Variants in PDZRN4 observed in about 807,000 individuals in gnomAD.
PDZRN4 encodes the protein PDZ domain-containing RING finger protein 4.
PDZRN4 carries 70 observed loss-of-function variants against 99.0 expected under a neutral mutation model. The observed-to-expected ratio is 0.71, with a 90% CI of 0.58 to 0.86. The LOEUF (loss-of-function observed/expected upper bound fraction) is 0.86, where lower values mean the gene tolerates loss of function less well. PDZRN4 is among the 40% of genes least tolerant of loss of function. The pLI is 0.00. For missense variants in PDZRN4, 1,474 were observed against 1,331.2 expected, an observed-to-expected ratio of 1.11 and a Z score of -1.67; for synonymous variants, 551 against 501.6, an observed-to-expected ratio of 1.10 and a Z score of -1.32.
At chr12:41,351,751 G>A (rs1951891853) in intron 3 of PDZRN4, among the ~76,000 whole-genome samples, 1 of 152,014 alleles carries the variant, frequency 6.6e-6, no homozygotes, top group South Asian at 2.1e-4. Flanking sequence ...TGGGGACACA[G>A]AGCCAAACCA....
At chr12:41,207,394 AT>A (rs1430896145) in intron 3 of PDZRN4, among the ~76,000 whole-genome samples, 2 of 151,832 alleles carry the variant, frequency 1.3e-5, no homozygotes, top group African/African-American at 4.8e-5. Context: ...CAATTGAAAA[AT>A]AATTTTCATG....
rs986602727 is a variant in PDZRN4, at chr12:41,300,216, A to T, written c.843+106028A>T. Among the ~76,000 whole-genome samples the T allele has an allele frequency of 3.3e-5, 5 of 152,004 alleles. No homozygotes were observed. The South Asian group carries it at 1.0e-3, about 32-fold the overall frequency. ...TCTTTTAGCTACTCTTTTAATATAC[A>T]TTTACTTTTGTCTTCCAAAAATCTT... On this transcript the variant is annotated intron_variant, in intron 3 of 9. Transcript: ENST00000402685.
chr12:41,293,184 T>C (rs1592000445), intron 3 of PDZRN4, among the ~76,000 whole-genome samples: 1 of 137,976 alleles, frequency 7.2e-6, no homozygotes, highest in Non-Finnish European at 1.6e-5. Context: ...AAGTTAGTCA[T>C]TGAAGCCCCA....
chr12:41,516,739 G>A (rs766663209), intron 5 of PDZRN4, among the ~76,000 whole-genome samples: 49 of 151,668 alleles, frequency 3.2e-4, no homozygotes, highest in Non-Finnish European at 1.6e-4. Flanking sequence ...GCCCTAAACA[G>A]TCTTGATGTA....
chr12:41,403,098 C>T (rs1273855428), intron 3 of PDZRN4, among the ~76,000 whole-genome samples: 1 of 152,092 alleles, frequency 6.6e-6, no homozygotes, highest in East Asian at 1.9e-4. Context: ...TGTCTTCCTC[C>T]TGCTCATTCA....
intron 3 of PDZRN4, among the ~76,000 whole-genome samples, chr12:41,406,745 C>G (rs1233119755): frequency 6.6e-6 from 1 of 151,176 alleles, no homozygotes. Flanking sequence ...GTAATCCCAG[C>G]TTCTCGGGAG....
rs537434668 is a variant in PDZRN4, at chr12:41,201,138, G to A, written c.843+6950G>A. On this transcript the variant is annotated intron_variant, in intron 3 of 9. Coordinates refer to ENST00000402685, the MANE Select transcript of PDZRN4 (RefSeq NM_001164595.2). ...TTTTTTTCATGAAGCAAAAATAGCC[G>A]TTTGAAATCCTTACTTTCTTTGTGC... Among the ~76,000 whole-genome samples the A allele has an allele frequency of 1.5e-4, 22 of 145,036 alleles. No individual in the cohort carries two copies. In the South Asian group the frequency reaches 2.9e-3, roughly 19 times the overall value.
chr12:41,466,240 T>C (rs1262194713), intron 3 of PDZRN4, among the ~76,000 whole-genome samples: 1 of 152,174 alleles, frequency 6.6e-6, no homozygotes, highest in African/African-American at 2.4e-5. Context: ...CCATTTACTT[T>C]AAGGGCTATC....
intron 3 of PDZRN4, among the ~76,000 whole-genome samples, chr12:41,356,895 T>C (rs1292529850): frequency 1.3e-5 from 2 of 151,954 alleles, no homozygotes; most frequent in African/African-American, 4.8e-5. Flanking sequence ...GAAACCTCAT[T>C]GTTGAGTGAT....
intron 7 of PDZRN4, among the ~76,000 whole-genome samples, chr12:41,561,990 A>T (rs576093292): frequency 3.7e-4 from 57 of 152,250 alleles, no homozygotes; most frequent in Non-Finnish European, 6.3e-4. Flanking sequence ...ATACTTTTCC[A>T]GAGGTATTTA....
chr12:41,339,090 C>T (rs1951796770), intron 3 of PDZRN4, among the ~76,000 whole-genome samples: 1 of 150,852 alleles, frequency 6.6e-6, no homozygotes, highest in African/African-American at 2.4e-5. Flanking sequence ...TTATATGGAA[C>T]CACAAAAGAT....
At chr12:41,322,577 G>A (rs570283803) in intron 3 of PDZRN4, among the ~76,000 whole-genome samples, 15 of 128,892 alleles carry the variant, frequency 1.2e-4, no homozygotes, top group South Asian at 5.2e-4. Flanking sequence ...TGCAAGCTCC[G>A]CCTCCCTGGT....
chr12:41,432,023 T>C (rs1423190135), intron 3 of PDZRN4, among the ~76,000 whole-genome samples: 1 of 152,252 alleles, frequency 6.6e-6, no homozygotes, highest in African/African-American at 2.4e-5. Context: ...CTGACATCTT[T>C]ACCTCAGAGA....
intron 3 of PDZRN4, among the ~76,000 whole-genome samples, chr12:41,254,587 A>C (rs779339063): frequency 3.3e-5 from 5 of 152,266 alleles, no homozygotes; most frequent in African/African-American, 7.2e-5. Flanking sequence ...TTATGTAATA[A>C]ATATTTTACC....
intron 3 of PDZRN4, among the ~76,000 whole-genome samples, chr12:41,398,633 T>C (rs1952267317): frequency 6.6e-6 from 1 of 152,206 alleles, no homozygotes; most frequent in African/African-American, 2.4e-5. Flanking sequence ...TTCCATTTAG[T>C]AAATTTTTTA....
At position 41,376,736 on chromosome 12, in the gene PDZRN4, C is replaced by T. The variant is rs576052556; in HGVS notation, c.844-129720C>T. Among the ~76,000 whole-genome samples the T allele has an allele frequency of 2.6e-3, 399 of 152,102 alleles. 1 individual carries two copies. The highest frequency in any genetic ancestry group is 8.7e-3 in the African/African-American group (360 of 41,518). On this transcript the variant is annotated intron_variant, in intron 3 of 9. Transcript: ENST00000402685. ...GTACAGAATCATTTTAGTTTGATATCGTCCACTTACTTACTTTTGCTTTTG... is the reference window on the plus strand; with the variant it reads ...GTACAGAATCATTTTAGTTTGATATTGTCCACTTACTTACTTTTGCTTTTG...
chr12:41,410,848 T>G (rs1206553970), intron 3 of PDZRN4, among the ~76,000 whole-genome samples: 1 of 152,066 alleles, frequency 6.6e-6, no homozygotes, highest in Non-Finnish European at 1.5e-5. Context: ...TGCTTAGGAA[T>G]TTGTAGCAAG....
intron 3 of PDZRN4, among the ~76,000 whole-genome samples, chr12:41,486,845 T>C (rs1937784518): frequency 6.6e-6 from 1 of 152,122 alleles, no homozygotes; most frequent in Non-Finnish European, 1.5e-5. Context: ...TGCTCTCTCT[T>C]CCTCCCTGGG....
At chr12:41,380,264 A>G (rs1952114137) in intron 3 of PDZRN4, among the ~76,000 whole-genome samples, 2 of 151,988 alleles carry the variant, frequency 1.3e-5, no homozygotes, top group South Asian at 2.1e-4. Flanking sequence ...TGTGGGCATC[A>G]TGGTTCCTGG....
Sources: gnomAD v4.1 joint callset for allele counts (sites outside exome capture counted in the v4.1 genomes callset) on GRCh38, gnomAD v4.1.1 for gene constraint, MANE v1.5 for transcripts, NCBI Gene and HGNC (gene_info 2026-07-23, HGNC 2026-07-21) for gene names.